The following SENP6 variants were observed in gnomAD, a reference collection of about 807,000 sequenced individuals.
The protein encoded by SENP6 is sentrin-specific protease 6.
Under a neutral mutation model 134.5 loss-of-function variants are expected in SENP6, and 41 were observed. The observed-to-expected ratio is 0.30, with a 90% confidence interval of 0.24 to 0.40. The LOEUF is 0.40. Among genes scored for constraint, SENP6 ranks in the 10% least tolerant of loss-of-function variants. The probability of loss-of-function intolerance (pLI) is 1.00; values close to 1 mark genes in which losing one functional copy is unlikely to be tolerated. For synonymous variants in SENP6, 395 were observed against 429.8 expected, an observed-to-expected ratio of 0.92 and a Z score of 1.00; for missense variants, 1,248 against 1,312.5, an observed-to-expected ratio of 0.95 and a Z score of 0.76.
chr6:75,634,921 C>G (rs984384033), intron 5 of SENP6, 110 bp downstream of exon 5: 2 of 711,718 alleles, frequency 2.8e-6, no homozygotes, highest in African/African-American at 3.6e-5. Context: ...TTTTCACTGT[C>G]TGTAGAGAGA....
intron 3 of SENP6, among the ~76,000 whole-genome samples, chr6:75,631,095 G>A (rs913464355): frequency 4.6e-5 from 7 of 151,588 alleles, no homozygotes; most frequent in Non-Finnish European, 1.0e-4. Context: ...CTCTTTCAAA[G>A]TTGTATTTTC....
At chr6:75,713,481 G>A (rs753754011) in intron 21 of SENP6, 32 bp from the exon 22 acceptor site, 13 of 1,538,176 alleles carry the variant, frequency 8.5e-6, no homozygotes, top group African/African-American at 5.5e-5. Flanking sequence ...ATATTATGAA[G>A]TATTCGACTT....
At chr6:75,713,435 A>G in intron 21 of SENP6, 78 bp from the exon 22 acceptor site, 2 of 1,211,340 alleles carry the variant, frequency 1.7e-6, no homozygotes, top group Non-Finnish European at 2.4e-6. Flanking sequence ...TTGATTGTTT[A>G]TAATATGCCA....
intron 3 of SENP6, among the ~76,000 whole-genome samples, chr6:75,626,387 T>C (rs958027377): frequency 6.6e-6 from 1 of 152,000 alleles, no homozygotes; most frequent in African/African-American, 2.4e-5. Context: ...TTGGAAAAAC[T>C]ATACACACTG....
At chr6:75,692,057 T>C (rs1021753223) in intron 16 of SENP6, among the ~76,000 whole-genome samples, 9 of 151,940 alleles carry the variant, frequency 5.9e-5, no homozygotes, top group Non-Finnish European at 1.0e-4. Flanking sequence ...GGTTTCTCCA[T>C]GTTGGTCAGG....
chr6:75,700,884 GA>G, intron 18 of SENP6, among the ~76,000 whole-genome samples: 1 of 152,324 alleles, frequency 6.6e-6, no homozygotes, highest in Non-Finnish European at 1.5e-5. Flanking sequence ...CTATGTGTTA[GA>G]AGTGATGAAA....
chr6:75,602,409 G>A lies in SENP6; in HGVS notation c.-116G>A, dbSNP rs904456350. On this transcript the variant is annotated 5_prime_UTR_variant, in exon 1 of 24. Coordinates refer to ENST00000447266, the MANE Select transcript of SENP6 (RefSeq NM_015571.4). ...GGAGCGCAGCCCGCCTGACGGCTGA[G>A]CCCGAGGCCCGCAACCCTGCGGCGT... is the stretch of plus-strand genomic sequence containing the variant. 1.9e-5 allele frequency: 24 copies of A among 1,243,256 alleles called. No individual in the cohort carries two copies. Among genetic ancestry groups the A allele is most frequent in the Non-Finnish European group, 2.7e-5 (24 of 884,952 alleles). 77.0% of individuals were successfully genotyped at this position (1,243,256 alleles called of 1,614,324 possible).
intron 16 of SENP6, among the ~76,000 whole-genome samples, chr6:75,684,609 G>C (rs761006852): frequency 5.3e-5 from 8 of 152,076 alleles, no homozygotes; most frequent in Non-Finnish European, 1.2e-4. Context: ...TAGCATGAAG[G>C]GATGTTGAAT....
At position 75,637,133 on chromosome 6, in the gene SENP6, C is replaced by T. The variant is rs185129914; in HGVS notation, c.458+2322C>T. 9.9e-4 allele frequency among the ~76,000 whole-genome samples: 150 copies of T among 152,160 alleles called. 1 individual carries two copies. The highest frequency in any genetic ancestry group is 3.2e-3 in the African/African-American group (134 of 41,536). ...GCTTCAAGCAGTCCTGCCTCAGCAC[C>T]GTAAAGTGCTGGAATTACAGGCCTG... On this transcript the variant is annotated intron_variant, in intron 5 of 23. Coordinates refer to ENST00000447266, the MANE Select transcript of SENP6 (RefSeq NM_015571.4).
At chr6:75,663,151 A>G (rs1771910715) in intron 8 of SENP6, 70 bp from the exon 9 acceptor site, 3 of 1,371,810 alleles carry the variant, frequency 2.2e-6, no homozygotes, top group Middle Eastern at 3.8e-4. Context: ...AACACCGTGA[A>G]TGTTCAAAAT....
chr6:75,611,618 C>T lies in SENP6; in HGVS notation c.52+9042C>T, dbSNP rs143805012. 1.1e-4 allele frequency: 17 copies of T among 152,310 alleles called. No homozygotes were observed. In the East Asian group the frequency reaches 2.9e-3, roughly 26 times the overall value. The allele number at this position is 152,310 out of a possible 1,614,324, so 9.4% of individuals were successfully genotyped here. A position where few individuals can be genotyped will look rare whatever the true frequency, so the allele number is the denominator to read the frequency against. On this transcript the variant is annotated intron_variant, in intron 1 of 23. Coordinates refer to ENST00000447266, the MANE Select transcript of SENP6 (RefSeq NM_015571.4). ...AAAGCATAAGGAACATTTGGAACTACTTATCTCATGCAGTCATTTCTCGGT... is the reference window on the plus strand; with the variant it reads ...AAAGCATAAGGAACATTTGGAACTATTTATCTCATGCAGTCATTTCTCGGT...
intron 16 of SENP6, among the ~76,000 whole-genome samples, chr6:75,689,493 C>T (rs557723843): frequency 6.6e-6 from 1 of 152,258 alleles, no homozygotes; most frequent in African/African-American, 2.4e-5. Context: ...GGTGCTGCCA[C>T]TGTGGAAAAC....
chr6:75,636,735 C>G (rs541307152), intron 5 of SENP6, among the ~76,000 whole-genome samples: 11 of 152,120 alleles, frequency 7.2e-5, no homozygotes, highest in African/African-American at 2.7e-4. Context: ...CAGTAGGAAT[C>G]ACGTCTTCAA....
rs764322771 is a variant in SENP6 at position 75,634,768 on chromosome 6, C to T, written c.415C>T (p.His139Tyr). Residue 139 changes from histidine to tyrosine, a missense_variant, in exon 5 of 24, where the codon CAT becomes TAT. This residue lies in a region of SENP6 where 733 missense variants were observed against 725.4 expected (regional missense o/e 1.01). Transcript: ENST00000447266. Reference sequence around the variant, plus strand: ...TGTAGTTCATGGTAGACGTTTTCATCATGCTCATGCACAGATACCAGTAGT... The same window carrying T: ...TGTAGTTCATGGTAGACGTTTTCATTATGCTCATGCACAGATACCAGTAGT... ...GTVVHGRRFH[H>Y]AHAQIPVVKT... The T allele has an allele frequency of 6.3e-7, 1 of 1,597,970 alleles. No homozygotes were observed. The highest frequency in any genetic ancestry group is 1.2e-5 in the South Asian group (1 of 86,634).
At chr6:75,700,907 G>T (rs571817758) in intron 18 of SENP6, among the ~76,000 whole-genome samples, 1 of 152,296 alleles carries the variant, frequency 6.6e-6, no homozygotes, top group Middle Eastern at 3.4e-3. Flanking sequence ...GAGGAGGTTG[G>T]TGTGTTAGCC....
chr6:75,651,731 T>C (rs930695243), intron 7 of SENP6, among the ~76,000 whole-genome samples: 1 of 152,210 alleles, frequency 6.6e-6, no homozygotes, highest in Non-Finnish European at 1.5e-5. Flanking sequence ...TATGCACATA[T>C]ACTCATTTTT....
intron 1 of SENP6, among the ~76,000 whole-genome samples, chr6:75,613,905 C>G (rs1007608972): frequency 3.3e-5 from 5 of 152,152 alleles, no homozygotes; most frequent in Admixed American, 2.0e-4. Flanking sequence ...AATTCTGGTT[C>G]AGGATCTGAT....
intron 1 of SENP6, among the ~76,000 whole-genome samples, chr6:75,618,586 G>A (rs1317937881): frequency 6.6e-6 from 1 of 152,188 alleles, no homozygotes; most frequent in Non-Finnish European, 1.5e-5. Context: ...AGATCTAGTT[G>A]TAGGTGTGTT....
At chr6:75,609,840 C>T (rs777007008) in intron 1 of SENP6, among the ~76,000 whole-genome samples, 16 of 152,196 alleles carry the variant, frequency 1.1e-4, no homozygotes, top group South Asian at 4.2e-4. Flanking sequence ...AGTGTAGTGG[C>T]GCCATCTCAG....
Sources: gnomAD v4.1 joint callset for allele counts (sites outside exome capture counted in the v4.1 genomes callset) on GRCh38, gnomAD v4.1.1 for gene constraint, gnomAD v4.1.1 regional missense constraint, MANE v1.5 for transcripts, NCBI Gene and HGNC (gene_info 2026-07-23, HGNC 2026-07-21) for gene names.